The following LRRC4C variants were observed in gnomAD, a reference collection of about 807,000 sequenced individuals.
LRRC4C encodes the protein leucine-rich repeat-containing protein 4C.
A neutral mutation model predicts 33.6 loss-of-function variants in LRRC4C; 5 were observed. The ratio of observed to expected loss-of-function variants is 0.15; its 90% confidence interval spans 0.08 to 0.31. The LOEUF is 0.31. Ranked by LOEUF, LRRC4C falls within the 10% of genes least tolerant of loss-of-function variation. LRRC4C has a pLI of 1.00. For missense variants in LRRC4C, 560 were observed against 796.7 expected (o/e 0.70, Z 3.58); for synonymous variants, 329 against 302.0 (o/e 1.09, Z -0.93).
intron 1 of LRRC4C, among the ~76,000 whole-genome samples, chr11:41,135,131 G>T (rs139002495): frequency 6.6e-6 from 1 of 151,984 alleles, no homozygotes; most frequent in African/African-American, 2.4e-5. Context: ...TGGCCATAAG[G>T]GTTGTGAGCA....
At chr11:41,210,610 T>G (rs1315881424) in intron 1 of LRRC4C, among the ~76,000 whole-genome samples, 1 of 152,138 alleles carries the variant, frequency 6.6e-6, no homozygotes, top group Non-Finnish European at 1.5e-5. Flanking sequence ...GGCCATGGCT[T>G]GGTAAAGATA....
At chr11:40,332,559 C>A (rs535810042) in intron 3 of LRRC4C, among the ~76,000 whole-genome samples, 1 of 152,268 alleles carries the variant, frequency 6.6e-6, no homozygotes, top group South Asian at 2.1e-4. Context: ...CAACAAGCAA[C>A]GTTACATCTT....
chr11:40,253,412 C>T (rs941857159), intron 4 of LRRC4C, among the ~76,000 whole-genome samples: 2 of 152,166 alleles, frequency 1.3e-5, no homozygotes, highest in African/African-American at 4.8e-5. Context: ...TAAAAACAGA[C>T]AGATCTTGTT....
intron 3 of LRRC4C, among the ~76,000 whole-genome samples, chr11:40,576,532 C>T (rs1958200944): frequency 6.6e-6 from 1 of 152,184 alleles, no homozygotes; most frequent in Non-Finnish European, 1.5e-5. Context: ...ATGCATCTCA[C>T]TTACATCGTC....
intron 1 of LRRC4C, among the ~76,000 whole-genome samples, chr11:41,120,274 G>T (rs1942353564): frequency 6.6e-6 from 1 of 152,050 alleles, no homozygotes; most frequent in South Asian, 2.1e-4. Context: ...CATCCAACCT[G>T]CCAAAAAACC....
At chr11:41,240,186 G>A (rs1399363436) in intron 1 of LRRC4C, among the ~76,000 whole-genome samples, 1 of 152,160 alleles carries the variant, frequency 6.6e-6, no homozygotes, top group African/African-American at 2.4e-5. Flanking sequence ...TAGATTTTTT[G>A]TGTATCATGA....
intron 1 of LRRC4C, among the ~76,000 whole-genome samples, chr11:41,233,151 A>T (rs1243335972): frequency 6.6e-6 from 1 of 152,064 alleles, no homozygotes; most frequent in African/African-American, 2.4e-5. Flanking sequence ...GAAGTAAAAA[A>T]TCTTCCAAGG....
Position 40,599,917 on chromosome 11 carries a change from T to A in LRRC4C, c.-270+48225A>T, listed in dbSNP as rs949528777. On this transcript the variant is annotated intron_variant, in intron 3 of 6. Coordinates refer to ENST00000528697, the MANE Select transcript of LRRC4C (RefSeq NM_001258419.2). ...TCCTCTGGGCACAACGGCAACAATG[T>A]TAAGTGATTAGAGTATCCAACAGAG... is the stretch of plus-strand genomic sequence containing the variant. Among the ~76,000 whole-genome samples the A allele has an allele frequency of 2.6e-5, 4 of 152,192 alleles. No homozygotes were observed. The South Asian group carries it at 6.2e-4, about 24-fold the overall frequency.
chr11:41,180,526 G>A (rs956202534), intron 1 of LRRC4C, among the ~76,000 whole-genome samples: 7 of 152,142 alleles, frequency 4.6e-5, no homozygotes, highest in South Asian at 4.2e-4. Context: ...GTGAGAGATC[G>A]TCCGCTTCCA....
At chr11:40,426,077 G>A (rs541330021) in intron 3 of LRRC4C, among the ~76,000 whole-genome samples, 5 of 149,026 alleles carry the variant, frequency 3.4e-5, no homozygotes, top group East Asian at 4.0e-4. Context: ...GCAGTGGCGC[G>A]ATCTTGGCTC....
In LRRC4C at chr11:40,779,924, T is replaced by C. The variant is rs139688876; in HGVS notation, c.-406-131646A>G. ...TAAGATATAAATGGTTGTACCAATTTATCATGGCAATACCACAACATCAAT... is the reference window on the plus strand; with the variant it reads ...TAAGATATAAATGGTTGTACCAATTCATCATGGCAATACCACAACATCAAT... On this transcript the variant is annotated intron_variant, in intron 2 of 6. Transcript: ENST00000528697. Among the ~76,000 whole-genome samples the C allele has an allele frequency of 1.9e-3, 285 of 152,274 alleles. 1 individual carries two copies. Among genetic ancestry groups the C allele is most frequent in the African/African-American group, 6.2e-3 (259 of 41,552 alleles).
intron 3 of LRRC4C, among the ~76,000 whole-genome samples, chr11:40,371,152 A>T (rs558401361): frequency 6.6e-6 from 1 of 152,332 alleles, no homozygotes; most frequent in South Asian, 2.1e-4. Flanking sequence ...ACTCTGAAAC[A>T]TAAGATTCTT....
intron 1 of LRRC4C, among the ~76,000 whole-genome samples, chr11:41,145,248 C>A (rs1214173376): frequency 6.6e-6 from 1 of 152,060 alleles, no homozygotes; most frequent in African/African-American, 2.4e-5. Flanking sequence ...ACTTTTAAAC[C>A]TTTGACCCAT....
intron 3 of LRRC4C, among the ~76,000 whole-genome samples, chr11:40,481,152 T>C (rs1241466514): frequency 2.0e-5 from 3 of 152,106 alleles, no homozygotes; most frequent in Non-Finnish European, 2.9e-5. Context: ...CAGTAAATGT[T>C]AACTCGTATA....
intron 5 of LRRC4C, among the ~76,000 whole-genome samples, chr11:40,226,748 G>A (rs1003736416): frequency 2.0e-5 from 3 of 152,140 alleles, no homozygotes; most frequent in Non-Finnish European, 4.4e-5. Context: ...TTTTAAAGAT[G>A]TAACCTGAGG....
intron 3 of LRRC4C, among the ~76,000 whole-genome samples, chr11:40,456,095 T>A (rs2138134987): frequency 6.6e-6 from 1 of 152,172 alleles, no homozygotes; most frequent in African/African-American, 2.4e-5. Flanking sequence ...GGGAGAAAAA[T>A]GCCTACAAAA....
At chr11:40,543,572 T>C (rs147867743) in intron 3 of LRRC4C, among the ~76,000 whole-genome samples, 70 of 152,224 alleles carry the variant, frequency 4.6e-4, no homozygotes, top group African/African-American at 1.6e-3. Flanking sequence ...TCGTAGAGCA[T>C]TTCCTGAAAA....
At chr11:40,654,891 C>T (rs1943017693) in intron 2 of LRRC4C, among the ~76,000 whole-genome samples, 1 of 152,138 alleles carries the variant, frequency 6.6e-6, no homozygotes, top group Non-Finnish European at 1.5e-5. Flanking sequence ...ATGCCATTCT[C>T]TTGAGGGTGA....
chr11:41,023,214 T>C (rs1037203601), intron 1 of LRRC4C, among the ~76,000 whole-genome samples: 1 of 151,818 alleles, frequency 6.6e-6, no homozygotes, highest in Admixed American at 6.6e-5. Context: ...AGATAAAATA[T>C]ATAAATCATA....
Sources: allele counts gnomAD v4.1 joint callset (sites outside exome capture counted in the v4.1 genomes callset), GRCh38; gene constraint gnomAD v4.1.1; transcripts MANE v1.5; gene names NCBI Gene and HGNC (gene_info 2026-07-23, HGNC 2026-07-21).